NPAS3: variants seen among roughly 807,000 people sequenced by gnomAD.
The protein encoded by NPAS3 is neuronal PAS domain protein 3, also known as neuronal PAS domain-containing protein 3.
NPAS3 carries 14 observed loss-of-function variants against 73.1 expected under a neutral mutation model. That is an observed-to-expected ratio of 0.19 (90% CI 0.13 to 0.30). The LOEUF is 0.30. Among genes scored for constraint, NPAS3 ranks in the 10% least tolerant of loss-of-function variants. NPAS3 has a pLI of 1.00. For missense variants in NPAS3, 1,096 were observed against 1,250.0 expected, an observed-to-expected ratio of 0.88 and a Z score of 1.86; for synonymous variants, 620 against 541.5, an observed-to-expected ratio of 1.14 and a Z score of -2.01.
intron 1 of NPAS3, among the ~76,000 whole-genome samples, chr14:32,970,195 A>AT (rs59481169): frequency 1.3e-5 from 2 of 152,290 alleles, no homozygotes; most frequent in Non-Finnish European, 2.9e-5. Context: ...CTTTTCTATC[A>AT]TTTTTTCCTA....
chr14:33,173,316 A>T (rs1244974591), intron 2 of NPAS3, among the ~76,000 whole-genome samples: 1 of 152,210 alleles, frequency 6.6e-6, no homozygotes. Flanking sequence ...TGCCACTATA[A>T]TATTAATGAT....
chr14:33,469,861 C>T (rs1342922542), intron 4 of NPAS3, among the ~76,000 whole-genome samples: 1 of 152,166 alleles, frequency 6.6e-6, no homozygotes, highest in Non-Finnish European at 1.5e-5. Flanking sequence ...ACTTATAGGG[C>T]TGAATTAATG....
intron 2 of NPAS3, among the ~76,000 whole-genome samples, chr14:33,056,885 T>C (rs1258554763): frequency 1.3e-5 from 2 of 152,242 alleles, no homozygotes; most frequent in African/African-American, 2.4e-5. Flanking sequence ...TTTCTGGATA[T>C]ACTTTGCAAA....
chr14:33,778,571 C>T (rs1356961131), exon 9 of NPAS3: 3 of 1,602,088 alleles, frequency 1.9e-6, no homozygotes, highest in African/African-American at 2.7e-5. Context: ...GTCACTTGGA[C>T]TGTAAGTACC....
At chr14:33,666,439 T>C (rs185594353) in intron 5 of NPAS3, among the ~76,000 whole-genome samples, 19 of 152,330 alleles carry the variant, frequency 1.2e-4, no homozygotes, top group African/African-American at 4.3e-4. Flanking sequence ...ACTCAAAGTG[T>C]GAATCGTGAA....
intron 4 of NPAS3, among the ~76,000 whole-genome samples, chr14:33,425,820 C>T (rs978828720): frequency 5.9e-5 from 9 of 152,012 alleles, no homozygotes; most frequent in Admixed American, 1.3e-4. Context: ...ACATGGTTTA[C>T]ATCAGGGGTA....
chr14:33,095,278 A>G (rs1255118626), intron 2 of NPAS3, among the ~76,000 whole-genome samples: 6 of 152,218 alleles, frequency 3.9e-5, no homozygotes, highest in African/African-American at 9.6e-5. Flanking sequence ...AATCTGGGGA[A>G]ATTAATTCCC....
chr14:33,012,796 C>T (rs899731769), intron 1 of NPAS3, among the ~76,000 whole-genome samples: 13 of 152,132 alleles, frequency 8.5e-5, no homozygotes, highest in Admixed American at 1.3e-4. Flanking sequence ...GCAATCCACC[C>T]GCTTCTGCCT....
At chr14:33,769,745 A>ATTTTTTTTTTTTTTTTTTTTTTT (rs5807743) in intron 7 of NPAS3, among the ~76,000 whole-genome samples, 1 of 103,354 alleles carries the variant, frequency 9.7e-6, no homozygotes, top group Non-Finnish European at 1.9e-5. Context: ...AAAGACTTGG[A>ATTTTTTTTTTTTTTTTTTTTTTT]TTTTTTTTTT....
At chr14:33,781,636 A>G (rs990151973) in intron 9 of NPAS3, among the ~76,000 whole-genome samples, 26 of 152,196 alleles carry the variant, frequency 1.7e-4, no homozygotes, top group African/African-American at 6.3e-4. Flanking sequence ...CACATTAACT[A>G]TTTAGTTTTT....
intron 2 of NPAS3, among the ~76,000 whole-genome samples, chr14:33,172,963 C>T (rs1269941341): frequency 6.6e-6 from 1 of 151,974 alleles, no homozygotes; most frequent in Non-Finnish European, 1.5e-5. Flanking sequence ...ACTTTATTTT[C>T]CTAACAGATA....
chr14:33,092,479 A>C (rs1043301258), intron 2 of NPAS3, among the ~76,000 whole-genome samples: 9 of 152,234 alleles, frequency 5.9e-5, no homozygotes, highest in African/African-American at 2.2e-4. Context: ...GGACACAAAC[A>C]AATGGAAGAA....
chr14:33,247,690 G>A (rs1340894287), intron 3 of NPAS3, among the ~76,000 whole-genome samples: 1 of 152,204 alleles, frequency 6.6e-6, no homozygotes, highest in Non-Finnish European at 1.5e-5. Flanking sequence ...AAATTAAGCA[G>A]TTTAACTTCA....
At chr14:33,343,413 C>T (rs1566814950) in intron 3 of NPAS3, among the ~76,000 whole-genome samples, 1 of 152,170 alleles carries the variant, frequency 6.6e-6, no homozygotes, top group Non-Finnish European at 1.5e-5. Context: ...GCCACCTCTG[C>T]TACTATATCC....
At chr14:33,767,818 G>A (rs2062514270) in intron 7 of NPAS3, among the ~76,000 whole-genome samples, 1 of 152,152 alleles carries the variant, frequency 6.6e-6, no homozygotes, top group Non-Finnish European at 1.5e-5. Context: ...CTTTCCTCAA[G>A]TATTGACAGA....
At chr14:33,137,683 T>A (rs983906657) in intron 2 of NPAS3, among the ~76,000 whole-genome samples, 10 of 152,192 alleles carry the variant, frequency 6.6e-5, no homozygotes, top group Non-Finnish European at 1.5e-4. Flanking sequence ...GGATTTATAA[T>A]ATTTATAATA....
chr14:33,408,976 A>C (rs1225275563), intron 4 of NPAS3, among the ~76,000 whole-genome samples: 1 of 152,238 alleles, frequency 6.6e-6, no homozygotes, highest in African/African-American at 2.4e-5. Flanking sequence ...CAAATGCTTA[A>C]GCAATGGCAA....
chr14:33,364,070 G>A (rs957341087), intron 3 of NPAS3, among the ~76,000 whole-genome samples: 8 of 152,052 alleles, frequency 5.3e-5, no homozygotes, highest in Non-Finnish European at 7.4e-5. Flanking sequence ...TGACCCGTTC[G>A]GCAATAGTAA....
chr14:33,367,613 A>G (rs1291832448), intron 4 of NPAS3, among the ~76,000 whole-genome samples: 2 of 150,794 alleles, frequency 1.3e-5, no homozygotes, highest in African/African-American at 2.4e-5. Flanking sequence ...GGAGCTATAT[A>G]TTGTTTTTGG....
Sources: allele counts gnomAD v4.1 joint callset (sites outside exome capture counted in the v4.1 genomes callset), GRCh38; gene constraint gnomAD v4.1.1; transcripts MANE v1.5; gene names NCBI Gene and HGNC (gene_info 2026-07-23, HGNC 2026-07-21).